Variants in SCEL observed in about 807,000 individuals in gnomAD.
SCEL encodes sciellin.
Under a neutral mutation model 117.6 loss-of-function variants are expected in SCEL, and 113 were observed. The observed-to-expected ratio is 0.96, with a 90% CI of 0.83 to 1.12. The LOEUF is 1.12. SCEL is among the 50% of genes most tolerant of loss of function. The probability of loss-of-function intolerance (pLI) is 0.00; values close to 1 mark genes in which losing one functional copy is unlikely to be tolerated. For missense variants in SCEL, 785 were observed against 810.8 expected, an observed-to-expected ratio of 0.97 and a Z score of 0.39; for synonymous variants, 270 against 256.2, an observed-to-expected ratio of 1.05 and a Z score of -0.51.
At chr13:77,634,211 AAAATTTTT>A (rs2090165388) in intron 28 of SCEL, among the ~76,000 whole-genome samples, 160 bp from the exon 29 acceptor site, 1 of 152,240 alleles carries the variant, frequency 6.6e-6, no homozygotes, top group Non-Finnish European at 1.5e-5. Context: ...GGAAGACAAA[AAAATTTTT>A]GCAGTGCTGT....
At chr13:77,549,276 C>T (rs2084166950) in intron 1 of SCEL, among the ~76,000 whole-genome samples, 1 of 152,120 alleles carries the variant, frequency 6.6e-6, no homozygotes, top group African/African-American at 2.4e-5. Flanking sequence ...GATGGTATCT[C>T]ATTTGGTTTT....
At chr13:77,595,143 G>T (rs2087144469) in intron 12 of SCEL, among the ~76,000 whole-genome samples, 1 of 152,190 alleles carries the variant, frequency 6.6e-6, no homozygotes, top group African/African-American at 2.4e-5. Context: ...AAAACTGTCA[G>T]AGAGGCAGTT....
rs1272163719 is a variant in SCEL at position 77,556,619 on chromosome 13, A to G, written c.67A>G (p.Thr23Ala). ...AGAGATGAAGAGCACCACTCAGGGA[A>G]CCACACGGAAGCAGCAGGATTTTCA... is the stretch of plus-strand genomic sequence containing the variant. ...GNEMKSTTQG[T>A]TRKQQDFHEV... Residue 23 changes from threonine to alanine, a missense_variant, in exon 3 of 33, where the codon ACC (threonine) becomes GCC (alanine). Coordinates refer to ENST00000349847, the MANE Select transcript of SCEL (RefSeq NM_144777.3). 6.2e-7 allele frequency: 1 copy of G among 1,613,966 alleles called. No homozygotes were observed. The highest frequency in any genetic ancestry group is 2.2e-5 in the East Asian group (1 of 44,884).
chr13:77,539,965 C>T (rs9565354), intron 1 of SCEL, among the ~76,000 whole-genome samples: 55,261 of 151,808 alleles, frequency 0.36, 11,247 homozygotes, highest in South Asian at 0.49. Context: ...ATCAGAAAAA[C>T]ACAATAATAA....
chr13:77,583,007 G>A (rs2086351248), intron 9 of SCEL, among the ~76,000 whole-genome samples: 1 of 152,144 alleles, frequency 6.6e-6, no homozygotes, highest in South Asian at 2.1e-4. Flanking sequence ...TTAAATTTGT[G>A]TATCTTTGTA....
rs183453529 is a variant in SCEL, at chr13:77,595,063, A to G, written c.752+1490A>G. Among the ~76,000 whole-genome samples, 4 of 152,306 alleles carry G rather than the reference A, an allele frequency of 2.6e-5. No individual in the cohort carries two copies. In the East Asian group the frequency reaches 5.8e-4, roughly 22 times the overall value. On this transcript the variant is annotated intron_variant, in intron 12 of 32. Transcript: ENST00000349847. ...GGATTAGACAGTGGTTTGGTGGGTGATCGGGATATCTGAGAAACAGATAAG... is the reference window on the plus strand; with the variant it reads ...GGATTAGACAGTGGTTTGGTGGGTGGTCGGGATATCTGAGAAACAGATAAG...
chr13:77,607,626 A>G (rs1386952555), intron 19 of SCEL, among the ~76,000 whole-genome samples: 2 of 152,228 alleles, frequency 1.3e-5, no homozygotes, highest in African/African-American at 4.8e-5. Flanking sequence ...TTTACAAAAT[A>G]TGGATTCTCC....
At chr13:77,632,486 T>G (rs942792758) in intron 28 of SCEL, among the ~76,000 whole-genome samples, 2 of 152,220 alleles carry the variant, frequency 1.3e-5, no homozygotes. Flanking sequence ...TTCTCATCAC[T>G]TAATAAAATT....
chr13:77,554,812 C>G (rs367621767), intron 1 of SCEL, among the ~76,000 whole-genome samples: 13 of 152,064 alleles, frequency 8.5e-5, no homozygotes, highest in African/African-American at 3.1e-4. Flanking sequence ...AATGCCCCTC[C>G]TATGGTCCAT....
intron 11 of SCEL, 27 bp downstream of exon 11, chr13:77,591,487 G>A (rs918267675): frequency 8.2e-7 from 1 of 1,215,900 alleles, no homozygotes; most frequent in Non-Finnish European, 1.2e-6. Flanking sequence ...TTATATCTAT[G>A]TAACTGTAGT....
intron 3 of SCEL, 133 bp downstream of exon 3, chr13:77,556,846 G>A (rs2154395861): frequency 1.5e-6 from 1 of 677,408 alleles, no homozygotes; most frequent in East Asian, 2.6e-5. Context: ...AATTTTTGGT[G>A]AGACTTAGTA....
At chr13:77,590,373 T>A (rs2086799954) in intron 10 of SCEL, among the ~76,000 whole-genome samples, 1 of 152,124 alleles carries the variant, frequency 6.6e-6, no homozygotes, top group Non-Finnish European at 1.5e-5. Context: ...TAGATCAGAT[T>A]TATAACTTTT....
At chr13:77,582,308 C>T (rs559912402) in intron 9 of SCEL, among the ~76,000 whole-genome samples, 5 of 151,718 alleles carry the variant, frequency 3.3e-5, no homozygotes, top group African/African-American at 1.2e-4. Context: ...CTCACTGCAA[C>T]CTCTGCCTCC....
chr13:77,595,098 C>A (rs2154400655), intron 12 of SCEL, among the ~76,000 whole-genome samples: 1 of 152,236 alleles, frequency 6.6e-6, no homozygotes, highest in Admixed American at 6.5e-5. Flanking sequence ...GTGAGTGACT[C>A]TGAAGGGAAA....
chr13:77,580,778 A>G (rs2086222377), intron 9 of SCEL, among the ~76,000 whole-genome samples: 1 of 152,228 alleles, frequency 6.6e-6, no homozygotes, highest in Non-Finnish European at 1.5e-5. Context: ...AAAAGAAAAT[A>G]ATATTTGATA....
Position 77,628,375 on chromosome 13 carries a change from G to A in SCEL, c.1691+366G>A, listed in dbSNP as rs150181219. Reference sequence around the variant, plus strand: ...ATTTTTACTTACTGTTGCTTGGTAAGCTCTCAGCAGTGCAGAAAGCACTCT... The same window carrying A: ...ATTTTTACTTACTGTTGCTTGGTAAACTCTCAGCAGTGCAGAAAGCACTCT... On this transcript the variant is annotated intron_variant, in intron 28 of 32. Coordinates refer to ENST00000349847, the MANE Select transcript of SCEL (RefSeq NM_144777.3). Among the ~76,000 whole-genome samples, 175 of 152,084 alleles carry A rather than the reference G, an allele frequency of 1.2e-3. 3 individuals are homozygous for A. The highest frequency in any genetic ancestry group is 3.4e-3 in the Middle Eastern group (1 of 294).
intron 9 of SCEL, among the ~76,000 whole-genome samples, chr13:77,582,332 T>C (rs1392644400): frequency 6.6e-6 from 1 of 152,140 alleles, no homozygotes; most frequent in Non-Finnish European, 1.5e-5. Context: ...GTTCAAGTGA[T>C]TCTCATGCCT....
intron 13 of SCEL, 83 bp downstream of exon 13, chr13:77,597,672 C>A (rs2087328168): frequency 3.0e-6 from 2 of 673,554 alleles, no homozygotes. Flanking sequence ...AGCGTGAGGA[C>A]CCACATACCA....
chr13:77,540,433 T>C (rs2083644309), intron 1 of SCEL, among the ~76,000 whole-genome samples: 1 of 152,154 alleles, frequency 6.6e-6, no homozygotes, highest in Non-Finnish European at 1.5e-5. Context: ...ATGGAAACTC[T>C]TTGCTATTTG....
Sources: gnomAD v4.1 joint callset for allele counts (sites outside exome capture counted in the v4.1 genomes callset) on GRCh38, gnomAD v4.1.1 for gene constraint, MANE v1.5 for transcripts, NCBI Gene and HGNC (gene_info 2026-07-23, HGNC 2026-07-21) for gene names.